The following IGF2BP3 variants were observed in gnomAD, a reference collection of about 807,000 sequenced individuals.
IGF2BP3 encodes the protein insulin like growth factor 2 mRNA binding protein 3, also known as insulin-like growth factor 2 mRNA-binding protein 3.
In IGF2BP3, 9 loss-of-function variants were observed where a neutral mutation model predicts 73.8. The ratio of observed to expected loss-of-function variants is 0.12; its 90% CI spans 0.07 to 0.21. The LOEUF is 0.21. Ranked by LOEUF, IGF2BP3 falls within the 10% of genes least tolerant of loss-of-function variation. The pLI is 1.00. For synonymous variants in IGF2BP3, 258 were observed against 256.7 expected, an observed-to-expected ratio of 1.01 and a Z score of -0.05; for missense variants, 542 against 714.0, an observed-to-expected ratio of 0.76 and a Z score of 2.75.
At chr7:23,321,925 A>G (rs534950801) in intron 10 of IGF2BP3, among the ~76,000 whole-genome samples, 36 of 152,338 alleles carry the variant, frequency 2.4e-4, no homozygotes, top group South Asian at 1.7e-3. Context: ...CCATCTGTAC[A>G]TCACCGTCAT....
At chr7:23,368,216 T>C (rs1785435673) in intron 3 of IGF2BP3, among the ~76,000 whole-genome samples, 1 of 151,838 alleles carries the variant, frequency 6.6e-6, no homozygotes, top group African/African-American at 2.4e-5. Context: ...GGAATATTAT[T>C]CAACCATAAA....
chr7:23,447,166 A>C (rs1584054446), intron 2 of IGF2BP3, among the ~76,000 whole-genome samples: 1 of 151,330 alleles, frequency 6.6e-6, no homozygotes, highest in African/African-American at 2.4e-5. Context: ...GCGCCACTGC[A>C]CTCCAGCCTG....
chr7:23,405,431 A>G (rs1786796336), intron 3 of IGF2BP3, among the ~76,000 whole-genome samples: 1 of 152,214 alleles, frequency 6.6e-6, no homozygotes, highest in Non-Finnish European at 1.5e-5. Flanking sequence ...TCCCTCTGCT[A>G]TGCCCCAGCC....
intron 2 of IGF2BP3, among the ~76,000 whole-genome samples, chr7:23,458,638 C>T (rs1270971944): frequency 1.3e-5 from 2 of 152,116 alleles, no homozygotes; most frequent in South Asian, 2.1e-4. Flanking sequence ...CCAACTTCTC[C>T]GCAAGCCACT....
At chr7:23,406,557 CAGTG>C (rs1584002552) in intron 3 of IGF2BP3, among the ~76,000 whole-genome samples, 1 of 152,132 alleles carries the variant, frequency 6.6e-6, no homozygotes, top group Admixed American at 6.6e-5. Context: ...CAGACCTTTG[CAGTG>C]AGTGTTACAG....
chr7:23,337,130 G>A (rs575863183), intron 10 of IGF2BP3, among the ~76,000 whole-genome samples: 31 of 152,198 alleles, frequency 2.0e-4, no homozygotes, highest in African/African-American at 7.5e-4. Flanking sequence ...AATAGTGAAG[G>A]CAAAGCTATT....
intron 10 of IGF2BP3, among the ~76,000 whole-genome samples, chr7:23,321,740 T>G (rs1390912707): frequency 6.6e-6 from 1 of 152,214 alleles, no homozygotes; most frequent in East Asian, 1.9e-4. Context: ...ACGGGCAGAC[T>G]GCCTCCTCAA....
intron 8 of IGF2BP3, among the ~76,000 whole-genome samples, chr7:23,344,429 A>G (rs1273282917): frequency 6.6e-6 from 1 of 152,238 alleles, no homozygotes; most frequent in Non-Finnish European, 1.5e-5. Context: ...GGCTGGAGGA[A>G]TATCAATCCA....
Position 23,315,953 on chromosome 7 carries a change from T to C in IGF2BP3, c.1395+1686A>G, listed in dbSNP as rs527797177. Among the ~76,000 whole-genome samples the C allele has an allele frequency of 2.7e-4, 41 of 152,344 alleles. 1 individual carries two copies. Among genetic ancestry groups the C allele is most frequent in the African/African-American group, 8.4e-4 (35 of 41,572 alleles). ...GGAAAGAACTTTGAAGTTCCTATCA[T>C]ACAAACATCATAGGAGTTGCAGGAC... On this transcript the variant is annotated intron_variant, in intron 12 of 14. Coordinates refer to ENST00000258729, the MANE Select transcript of IGF2BP3 (RefSeq NM_006547.3).
chr7:23,381,350 G>A (rs920143793), intron 3 of IGF2BP3, among the ~76,000 whole-genome samples: 2 of 152,130 alleles, frequency 1.3e-5, no homozygotes, highest in Non-Finnish European at 2.9e-5. Flanking sequence ...CCCACACTAC[G>A]TGACTCTAAA....
chr7:23,400,961 G>A (rs1469481124), intron 3 of IGF2BP3, among the ~76,000 whole-genome samples: 1 of 152,074 alleles, frequency 6.6e-6, no homozygotes, highest in Admixed American at 6.6e-5. Context: ...CACCACACAA[G>A]GCTAATTTTT....
chr7:23,361,269 G>A (rs1324599968), intron 5 of IGF2BP3: 2 of 310,210 alleles, frequency 6.4e-6, no homozygotes, highest in Non-Finnish European at 1.2e-5. Flanking sequence ...CAGAGCTTCT[G>A]CAAATAGGGT....
intron 10 of IGF2BP3, among the ~76,000 whole-genome samples, chr7:23,328,892 A>G (rs1784371343): frequency 1.3e-5 from 2 of 152,168 alleles, no homozygotes; most frequent in African/African-American, 4.8e-5. Flanking sequence ...GACATATTCT[A>G]TGAGTAAAAA....
intron 3 of IGF2BP3, among the ~76,000 whole-genome samples, chr7:23,374,605 G>A (rs1215996588): frequency 6.6e-6 from 1 of 152,036 alleles, no homozygotes; most frequent in Admixed American, 6.5e-5. Context: ...TGAACCCAGA[G>A]TTAGGAGGAT....
At chr7:23,373,197 T>C (rs181368856) in intron 3 of IGF2BP3, among the ~76,000 whole-genome samples, 17 of 152,348 alleles carry the variant, frequency 1.1e-4, no homozygotes, top group African/African-American at 3.8e-4. Context: ...CTATACATCT[T>C]AGTCAGAAGA....
chr7:23,439,370 C>T (rs947670304), intron 2 of IGF2BP3, among the ~76,000 whole-genome samples: 4 of 151,058 alleles, frequency 2.6e-5, no homozygotes, highest in Non-Finnish European at 4.4e-5. Context: ...CTGGCTAACA[C>T]GGTGAAACCC....
chr7:23,363,480 C>G (rs540160739), intron 3 of IGF2BP3, among the ~76,000 whole-genome samples: 61 of 152,266 alleles, frequency 4.0e-4, no homozygotes, highest in African/African-American at 1.4e-3. Context: ...CTCCCAGATT[C>G]AAGGGATCAT....
At chr7:23,430,604 C>T (rs1006893126) in intron 2 of IGF2BP3, among the ~76,000 whole-genome samples, 8 of 152,222 alleles carry the variant, frequency 5.3e-5, no homozygotes, top group Non-Finnish European at 1.2e-4. Context: ...ACTGTAATTA[C>T]ACCTATTCTT....
intron 3 of IGF2BP3, among the ~76,000 whole-genome samples, chr7:23,382,164 T>C (rs1785931593): frequency 6.6e-6 from 1 of 152,090 alleles, no homozygotes; most frequent in South Asian, 2.1e-4. Flanking sequence ...GAGGATCACT[T>C]GAGCCCAGGA....
Sources: gnomAD v4.1 joint callset for allele counts (sites outside exome capture counted in the v4.1 genomes callset) on GRCh38, gnomAD v4.1.1 for gene constraint, MANE v1.5 for transcripts, NCBI Gene and HGNC (gene_info 2026-07-23, HGNC 2026-07-21) for gene names.